The following DOK1 variants were observed in gnomAD, a reference collection of about 807,000 sequenced individuals.
DOK1 encodes Downstream of tyrosine kinase 1.
In DOK1, 12 loss-of-function variants were observed where a neutral mutation model predicts 24.0. The observed-to-expected ratio is 0.50, with a 90% CI of 0.32 to 0.81. The LOEUF (loss-of-function observed/expected upper bound fraction) is 0.81. DOK1 is among the 30% of genes least tolerant of loss of function. The pLI, the probability that DOK1 is intolerant of heterozygous loss-of-function variation, is 0.03. For synonymous variants in DOK1, 250 were observed against 260.9 expected, an observed-to-expected ratio of 0.96 and a Z score of 0.40; for missense variants, 591 against 620.7, an observed-to-expected ratio of 0.95 and a Z score of 0.51.
Position 74,555,701 on chromosome 2 carries a change from G to C in DOK1, c.454+33G>C, listed in dbSNP as rs768075705. 6 of 1,612,964 alleles carry C rather than the reference G, an allele frequency of 3.7e-6. No homozygotes were observed. The highest frequency in any genetic ancestry group is 5.1e-6 in the Non-Finnish European group (6 of 1,179,722). ...CCTCAGAAGCCCGGGCAGGGATGGA[G>C]TGAAGAGGAGGAGGGCCGAGGGCCT... On this transcript the variant is annotated intron_variant, in intron 3 of 4. Transcript: ENST00000233668. This position sits in a 1 kb window ranked among gnomAD's most constrained non-coding sequence, Gnocchi z 6.1.
In DOK1 at chr2:74,549,233, C is replaced by A. The variant is rs948760699; in HGVS notation, c.-358+61C>A. ...ATTTCCCAACTCTCCAGCTTTGCAA[C>A]GGCCTCCATATTTTCCCGCGCGTCC... On this transcript the variant is annotated intron_variant, in intron 1 of 4. Coordinates refer to the DOK1 transcript ENST00000409429. The surrounding 1 kb of genome is among the most constrained non-coding windows in gnomAD (Gnocchi z 5.3). 31 of 969,688 alleles carry A rather than the reference C, an allele frequency of 3.2e-5. No individual in the cohort carries two copies. The highest frequency in any genetic ancestry group is 6.7e-4 in the Middle Eastern group (2 of 3,006). The allele number at this position is 969,688 out of a possible 1,614,324, so 60.1% of individuals were successfully genotyped here. A position where few individuals can be genotyped will look rare whatever the true frequency, so the allele number is the denominator to read the frequency against.
chr2:74,555,658 T>C lies in DOK1; in HGVS notation c.444T>C (p.Pro148=). The part of the protein sequence containing the change: ...LEMLENSLYS[P]TWEGSQFWVT... ...TGCTGGAGAACTCCTTGTACAGCCC[T>C]ACCTGGGAAGGTAGACGCCTCAGAA... Residue 148 remains proline, a synonymous_variant, in exon 3 of 5, where the codon CCT becomes CCC. Coordinates refer to ENST00000233668, the MANE Select transcript of DOK1 (RefSeq NM_001381.5). This position sits in a 1 kb window ranked among gnomAD's most constrained non-coding sequence, Gnocchi z 6.1. The C allele has an allele frequency of 6.2e-7, 1 of 1,614,022 alleles. No individual in the cohort carries two copies. The highest frequency in any genetic ancestry group is 8.5e-7 in the Non-Finnish European group (1 of 1,179,974).
upstream of DOK1, chr2:74,552,319 C>T (rs769428869): frequency 1.1e-5 from 17 of 1,594,400 alleles, no homozygotes; most frequent in South Asian, 1.2e-4. Flanking sequence ...GATCATTGCT[C>T]ACCTGTTCCA....
upstream of DOK1, chr2:74,552,380 C>T: frequency 6.2e-7 from 1 of 1,612,992 alleles, no homozygotes; most frequent in South Asian, 1.1e-5. Context: ...TGAAGCCCAG[C>T]TCCCGGCAGA....
upstream of DOK1, chr2:74,552,876 G>A: frequency 2.0e-6 from 1 of 511,622 alleles, no homozygotes; most frequent in Non-Finnish European, 3.5e-6. Flanking sequence ...CCAGAGATAA[G>A]AGACAACTAT....
chr2:74,552,174 GTTGC>G (rs1677057246), upstream of DOK1: 3 of 721,954 alleles, frequency 4.2e-6, no homozygotes, highest in East Asian at 5.5e-5. Flanking sequence ...AAGTAACTAT[GTTGC>G]TTGGTTTGTC....
Position 74,549,362 on chromosome 2 carries a change from C to A in DOK1, c.-358+190C>A, listed in dbSNP as rs1676839187. 2.5e-6 allele frequency: 4 copies of A among 1,583,198 alleles called. No homozygotes were observed. Among genetic ancestry groups the A allele is most frequent in the Non-Finnish European group, 2.6e-6 (3 of 1,164,050 alleles). On this transcript the variant is annotated intron_variant, in intron 1 of 4. Coordinates refer to the DOK1 transcript ENST00000409429. The surrounding 1 kb of genome is among the most constrained non-coding windows in gnomAD (Gnocchi z 5.3). ...GCCTGCTCCGCCCGGCGCCCGCGGC[C>A]CCTCACCTGTAGAAGGCCGCGTTGA...
upstream of DOK1, chr2:74,554,546 G>A: frequency 5.2e-6 from 3 of 579,274 alleles, no homozygotes; most frequent in Non-Finnish European, 6.1e-6. The surrounding 1 kb of genome is among the most constrained non-coding windows in gnomAD (Gnocchi z 4.9). Flanking sequence ...CCACGACGGC[G>A]GGTAGGGGCC....
upstream of DOK1, among the ~76,000 whole-genome samples, chr2:74,550,673 G>C (rs1476363447): frequency 6.6e-6 from 1 of 152,122 alleles, no homozygotes; most frequent in South Asian, 2.1e-4. Flanking sequence ...TGTGTGCCAG[G>C]TGCTCTGCCA....
Position 74,549,285 on chromosome 2 carries a change from G to C in DOK1, c.-358+113G>C, listed in dbSNP as rs936174087. On this transcript the variant is annotated intron_variant, in intron 1 of 4. Transcript: ENST00000409429. This position sits in a 1 kb window ranked among gnomAD's most constrained non-coding sequence, Gnocchi z 5.3. ...GACCCCCGGGTCCTCCCGTGCCCCG[G>C]ACCTGCTCAGATGTCTCCCAAGGCT... The C allele has an allele frequency of 1.8e-5, 25 of 1,419,392 alleles. No individual in the cohort carries two copies. The African/African-American group carries it at 3.6e-4, about 20-fold the overall frequency. 87.9% of individuals were successfully genotyped at this position (1,419,392 alleles called of 1,614,324 possible).
upstream of DOK1, chr2:74,552,578 C>T (rs370650948): frequency 6.4e-5 from 103 of 1,601,968 alleles, no homozygotes; most frequent in Non-Finnish European, 6.3e-5. Flanking sequence ...ACGAACTGCA[C>T]AGCAGGCACA....
At position 74,556,039 on chromosome 2, in the gene DOK1, C is replaced by T. The variant is rs779067332; in HGVS notation, c.600C>T (p.Ser200=). 1 of 1,610,594 alleles carries T rather than the reference C, an allele frequency of 6.2e-7. No individual in the cohort carries two copies. The highest frequency in any genetic ancestry group is 1.3e-5 in the African/African-American group (1 of 75,016). The part of the protein sequence containing the change: ...AQSQILEPLL[S]WPYTLLRRYG... ...GTCAGATACTGGAGCCACTCCTGTC[C>T]TGGCCCTACACTCTGTTGCGTCGCT... Residue 200 remains serine, a synonymous_variant, in exon 4 of 5, where the codon TCC becomes TCT. Transcript: ENST00000233668. This position sits in a 1 kb window ranked among gnomAD's most constrained non-coding sequence, Gnocchi z 4.1.
At chr2:74,554,411 G>GAA, upstream of DOK1, 1 of 320,882 alleles carries the variant, frequency 3.1e-6, no homozygotes, top group Non-Finnish European at 5.8e-6. The surrounding 1 kb of genome is among the most constrained non-coding windows in gnomAD (Gnocchi z 4.9). Flanking sequence ...GCGCTTTCGG[G>GAA]GTGATGTCAT....
chr2:74,555,608 C>G lies in DOK1; in HGVS notation c.394C>G (p.Pro132Ala). Residue 132 changes from proline (P) to alanine (A), a missense_variant, in exon 3 of 5, where the codon CCA becomes GCA. Pro to Ala is a conservative substitution (Grantham distance 27, BLOSUM62 -1). Coordinates refer to ENST00000233668, the MANE Select transcript of DOK1 (RefSeq NM_001381.5). This position sits in a 1 kb window ranked among gnomAD's most constrained non-coding sequence, Gnocchi z 6.1. Reference protein sequence around the residue: ...GSWTLAPTDNPPKLSALEMLE... With the variant: ...GSWTLAPTDNAPKLSALEMLE... ...CTGGACTCTGGCGCCTACCGATAAC[C>G]CACCTAAGCTTTCTGCCCTGGAGAT... 1 of 1,614,214 alleles carries G rather than the reference C, an allele frequency of 6.2e-7. No homozygotes were observed. Among genetic ancestry groups the G allele is most frequent in the Non-Finnish European group, 8.5e-7 (1 of 1,180,042 alleles).
chr2:74,552,762 CGA>C, upstream of DOK1: 1 of 893,266 alleles, frequency 1.1e-6, no homozygotes, highest in East Asian at 2.7e-5. Flanking sequence ...ACAGAGACAG[CGA>C]GAGACAACAG....
At chr2:74,554,458 C>T (rs1322733222), upstream of DOK1, 1 of 493,238 alleles carries the variant, frequency 2.0e-6, no homozygotes, top group African/African-American at 2.0e-5. This position sits in a 1 kb window ranked among gnomAD's most constrained non-coding sequence, Gnocchi z 4.9. Flanking sequence ...CATATGACGT[C>T]ACGCGCAGCC....
At chr2:74,553,082 T>C (rs1010272074), upstream of DOK1, 4 of 163,648 alleles carry the variant, frequency 2.4e-5, no homozygotes, top group Non-Finnish European at 5.3e-5. Flanking sequence ...AAGCACTCAG[T>C]ATAGGGGAAC....
rs769658410 is a variant in DOK1 at position 74,555,444 on chromosome 2, C to A, written c.351C>A (p.Asn117Lys). 135 of 1,609,302 alleles carry A rather than the reference C, an allele frequency of 8.4e-5. No homozygotes were observed. Among genetic ancestry groups the A allele is most frequent in the Non-Finnish European group, 1.1e-4 (126 of 1,178,600 alleles). ...CCTGGGTGCAGACGCTGTGCCGAAA[C>A]GCCTTTCCGGTGAGGAGCTGCGGCG... ...SAAWVQTLCR[N>K]AFPKGSWTLA... Residue 117 changes from asparagine (N) to lysine (K), a missense_variant, in exon 2 of 5, where the codon AAC becomes AAA. Physicochemically the swap from Asn to Lys is moderately conservative, Grantham distance 94. Transcript: ENST00000233668. This position sits in a 1 kb window ranked among gnomAD's most constrained non-coding sequence, Gnocchi z 6.1.
upstream of DOK1, chr2:74,554,583 C>T (rs898048473): frequency 1.6e-6 from 1 of 637,328 alleles, no homozygotes; most frequent in Admixed American, 3.0e-5. The surrounding 1 kb of genome is among the most constrained non-coding windows in gnomAD (Gnocchi z 4.9). Flanking sequence ...CCGGCTAATC[C>T]GGGGGTCTCC....
Sources: gnomAD v4.1 joint callset for allele counts (sites outside exome capture counted in the v4.1 genomes callset) on GRCh38, gnomAD v4.1.1 for gene constraint, Gnocchi (gnomAD v3.1) non-coding constraint, MANE v1.5 for transcripts, NCBI Gene and HGNC (gene_info 2026-07-23, HGNC 2026-07-21) for gene names.